Variants in CCDC197 observed in about 807,000 individuals in gnomAD.
The protein encoded by CCDC197 is uncharacterized protein CCDC197.
Under a neutral mutation model 13.4 loss-of-function variants are expected in CCDC197, and 24 were observed. The ratio of observed to expected loss-of-function variants is 1.80; its 90% CI spans 1.30 to 2.53. The LOEUF (loss-of-function observed/expected upper bound fraction) is 2.53, where lower values mean the gene tolerates loss of function less well. CCDC197 is among the 30% of genes most tolerant of loss of function. The pLI is 0.00. For missense variants in CCDC197, 255 were observed against 148.8 expected (o/e 1.71, Z -3.71); for synonymous variants, 99 against 55.5 (o/e 1.78, Z -3.48).
intron 4 of CCDC197, 135 bp downstream of exon 4, chr14:94,001,458 G>C: frequency 1.8e-6 from 1 of 552,546 alleles, no homozygotes; most frequent in Non-Finnish European, 3.2e-6. Context: ...CGGTGGGGCT[G>C]TCGCTCCTGA....
upstream of CCDC197, among the ~76,000 whole-genome samples, chr14:93,993,728 G>A (rs1006133490): frequency 6.6e-6 from 1 of 152,166 alleles, no homozygotes; most frequent in African/African-American, 2.4e-5. Context: ...CCTTGTTAAG[G>A]TTTTTGAAAA....
At chr14:93,998,284 A>T (rs941865536) in intron 2 of CCDC197, 49 bp downstream of exon 2, 1 of 751,784 alleles carries the variant, frequency 1.3e-6, no homozygotes, top group South Asian at 1.4e-5. Context: ...GTGCTTCCCC[A>T]GTGGGCTAAG....
At chr14:93,995,361 T>A (rs1440974435), upstream of CCDC197, among the ~76,000 whole-genome samples, 2 of 152,088 alleles carry the variant, frequency 1.3e-5, no homozygotes, top group East Asian at 3.9e-4. Flanking sequence ...GGTGATGGGG[T>A]TGTACCAGTT....
At chr14:93,989,230 G>C (rs1343925972) in intron 1 of CCDC197, among the ~76,000 whole-genome samples, 1 of 152,094 alleles carries the variant, frequency 6.6e-6, no homozygotes, top group African/African-American at 2.4e-5. Context: ...CCTCAAAATG[G>C]CCAGCCATCC....
At position 94,003,908 on chromosome 14, in the gene CCDC197, T is replaced by C. The variant is rs1890609316; in HGVS notation, c.498+554T>C. 6.6e-6 allele frequency among the ~76,000 whole-genome samples: 1 copy of C among 152,220 alleles called. No homozygotes were observed. Among genetic ancestry groups the C allele is most frequent in the Non-Finnish European group, 1.5e-5 (1 of 68,042 alleles). On this transcript the variant is annotated intron_variant, in intron 5 of 6. Transcript: ENST00000636493. This position sits in a 1 kb window ranked among gnomAD's most constrained non-coding sequence, Gnocchi z 5.0. ...GCTTGGTGTTGTGCCGAGCTCTTAG[T>C]CCTTGTATAATGTTTGTGGTTAATA... is the stretch of plus-strand genomic sequence containing the variant.
intron 6 of CCDC197, among the ~76,000 whole-genome samples, chr14:94,007,800 G>C (rs1434951607): frequency 6.6e-6 from 1 of 152,092 alleles, no homozygotes; most frequent in Non-Finnish European, 1.5e-5. Flanking sequence ...ATCCAAACAC[G>C]GGATACTTAG....
In CCDC197 at chr14:94,006,356, ATTT is replaced by A. The variant is rs34620720; in HGVS notation, c.615+1397_615+1399del. ...CCCATTAAAAAATTTGATTATTTGT[ATTT>A]TTTTTTTTTTTGAGACAGAGTCTCA... On this transcript the variant is annotated intron_variant, in intron 6 of 6. Transcript: ENST00000636493. Among the ~76,000 whole-genome samples the A allele has an allele frequency of 2.8e-5, 4 of 142,676 alleles. 1 individual carries two copies. Among genetic ancestry groups the A allele is most frequent in the East Asian group, 2.0e-4 (1 of 4,942 alleles). The allele number at this position is 142,676 out of a possible 152,430, so 93.6% of individuals were successfully genotyped here. A position where few individuals can be genotyped will look rare whatever the true frequency, so the allele number is the denominator to read the frequency against.
At chr14:94,009,682 T>C (rs1455876850), downstream of CCDC197, among the ~76,000 whole-genome samples, 12 of 152,164 alleles carry the variant, frequency 7.9e-5, no homozygotes, top group Non-Finnish European at 1.5e-4. Context: ...TGAGCCGTGA[T>C]TGTGCCACTG....
upstream of CCDC197, among the ~76,000 whole-genome samples, chr14:93,996,599 C>G (rs1308937065): frequency 2.6e-5 from 4 of 152,232 alleles, no homozygotes; most frequent in African/African-American, 9.6e-5. Flanking sequence ...CCTTCACCCT[C>G]TCTGGGGACC....
At chr14:94,004,234 TG>T (rs1890618187) in intron 5 of CCDC197, among the ~76,000 whole-genome samples, 2 of 152,164 alleles carry the variant, frequency 1.3e-5, no homozygotes, top group African/African-American at 4.8e-5. Flanking sequence ...CAACAGTCTA[TG>T]TTCTTCTGGC....
intron 3 of CCDC197, among the ~76,000 whole-genome samples, chr14:94,000,318 C>A (rs1439501988): frequency 6.6e-6 from 1 of 152,178 alleles, no homozygotes; most frequent in Non-Finnish European, 1.5e-5. Context: ...GGGTAACGAA[C>A]TTGCCCAGGG....
chr14:94,010,660 G>T (rs1160824744), downstream of CCDC197, among the ~76,000 whole-genome samples: 5 of 152,240 alleles, frequency 3.3e-5, no homozygotes, highest in Admixed American at 2.0e-4. Context: ...AAACGCCGGA[G>T]TAGGGACTTG....
chr14:93,988,350 G>C, intron 1 of CCDC197, among the ~76,000 whole-genome samples: 1 of 118,972 alleles, frequency 8.4e-6, no homozygotes, highest in African/African-American at 3.4e-5. Context: ...CAGATGGGAG[G>C]AGGGAGAGGA....
chr14:94,003,332 C>A lies in CCDC197; in HGVS notation c.476C>A (p.Thr159Lys). 1.3e-6 allele frequency: 1 copy of A among 757,590 alleles called. No homozygotes were observed. The highest frequency in any genetic ancestry group is 2.5e-6 in the Non-Finnish European group (1 of 403,894). 46.9% of individuals were successfully genotyped at this position (757,590 alleles called of 1,614,324 possible). A position where few individuals can be genotyped will look rare whatever the true frequency, so the allele number is the denominator to read the frequency against. Residue 159 changes from threonine (T) to lysine (K), a missense_variant, in exon 5 of 7, where the codon ACA becomes AAA. Physicochemically the swap from Thr to Lys is moderately conservative, Grantham distance 78. Coordinates refer to ENST00000636493, the MANE Select transcript of CCDC197 (RefSeq NM_001351596.2). The surrounding 1 kb of genome is among the most constrained non-coding windows in gnomAD (Gnocchi z 5.0). ...ITYQKDIDFD[T>K]HTSSSYNDQL... is the part of the protein sequence containing the mutation. ...TACCAGAAGGACATTGACTTTGACA[C>A]ACACACCAGCAGCAGCTATAATGTG...
At chr14:94,005,115 C>T (rs1890645049) in intron 6 of CCDC197, 144 bp downstream of exon 6, 5 of 602,830 alleles carry the variant, frequency 8.3e-6, no homozygotes, top group Non-Finnish European at 1.2e-5. Context: ...GTGCCTGGTG[C>T]AGTAAGGTCC....
downstream of CCDC197, among the ~76,000 whole-genome samples, chr14:94,009,790 A>T (rs1229536206): frequency 6.6e-6 from 1 of 152,156 alleles, no homozygotes; most frequent in African/African-American, 2.4e-5. Context: ...CTGACATTCT[A>T]GGTCAAGTTT....
intron 1 of CCDC197, among the ~76,000 whole-genome samples, chr14:93,989,944 G>C (rs1305065293): frequency 1.3e-5 from 2 of 152,158 alleles, no homozygotes; most frequent in African/African-American, 4.8e-5. Flanking sequence ...TGCTGGTCGG[G>C]CCTGTTCTTA....
chr14:93,989,519 A>G (rs1404184986), intron 1 of CCDC197, among the ~76,000 whole-genome samples: 1 of 152,050 alleles, frequency 6.6e-6, no homozygotes, highest in African/African-American at 2.4e-5. Context: ...TTTCTCCTCC[A>G]CACCCTTCCT....
intron 3 of CCDC197, 86 bp downstream of exon 3, chr14:93,999,751 G>C: frequency 1.3e-6 from 1 of 747,464 alleles, no homozygotes; most frequent in Non-Finnish European, 2.5e-6. Flanking sequence ...TGGCCTCATG[G>C]AGCCACGAGC....
Sources: gnomAD v4.1 joint callset for allele counts (sites outside exome capture counted in the v4.1 genomes callset) on GRCh38, gnomAD v4.1.1 for gene constraint, Gnocchi (gnomAD v3.1) non-coding constraint, MANE v1.5 for transcripts, NCBI Gene and HGNC (gene_info 2026-07-23, HGNC 2026-07-21) for gene names.